Variants in LDHAL6A observed in about 807,000 individuals in gnomAD.
LDHAL6A encodes L-lactate dehydrogenase A-like 6A.
A neutral mutation model predicts 28.2 loss-of-function variants in LDHAL6A; 19 were observed. That is an observed-to-expected ratio of 0.67 (90% CI 0.47 to 0.99). The LOEUF is 0.99. Among genes scored for constraint, LDHAL6A ranks in the 50% least tolerant of loss-of-function variants. The probability of loss-of-function intolerance (pLI) is 0.00; values close to 1 mark genes in which losing one functional copy is unlikely to be tolerated. For synonymous variants in LDHAL6A, 144 were observed against 134.4 expected, an observed-to-expected ratio of 1.07 and a Z score of -0.49; for missense variants, 372 against 398.6, an observed-to-expected ratio of 0.93 and a Z score of 0.57.
rs1343024761 is a variant in LDHAL6A, at chr11:18,471,088, A to T, written c.419-4378A>T. Among the ~76,000 whole-genome samples, 3 of 152,172 alleles carry T rather than the reference A, an allele frequency of 2.0e-5. No homozygotes were observed. In the East Asian group the frequency reaches 5.8e-4, roughly 29 times the overall value. On this transcript the variant is annotated intron_variant, in intron 3 of 6. Transcript: ENST00000280706. ...TTTATTATGCTGATATGAATGTGAAATTTTAAAAATTAAAACAAGCAATTA... is the reference window on the plus strand; with the variant it reads ...TTTATTATGCTGATATGAATGTGAATTTTTAAAAATTAAAACAAGCAATTA...
chr11:18,471,480 G>A (rs1331757113), intron 3 of LDHAL6A, among the ~76,000 whole-genome samples: 2 of 151,804 alleles, frequency 1.3e-5, no homozygotes, highest in Non-Finnish European at 2.9e-5. Context: ...GAAGTGCTGG[G>A]ATTACAGACG....
intron 6 of LDHAL6A, among the ~76,000 whole-genome samples, chr11:18,478,457 G>A (rs1849447055): frequency 6.6e-6 from 1 of 152,162 alleles, no homozygotes; most frequent in Non-Finnish European, 1.5e-5. Context: ...CTACTTGGGA[G>A]GCTGAGGTGG....
rs929550297 is a variant in LDHAL6A, at chr11:18,463,993, T to C, written c.159T>C (p.Val53=). 1.2e-6 allele frequency: 2 copies of C among 1,613,970 alleles called. No individual in the cohort carries two copies. Among genetic ancestry groups the C allele is most frequent in the Non-Finnish European group, 1.7e-6 (2 of 1,179,872 alleles). ...GLSDELVLVD[V]DEGKLKGETM... is the part of the protein sequence containing the mutation. ...GTGATGAACTTGTCCTTGTGGATGT[T>C]GATGAAGGCAAACTGAAGGGTGAGA... Residue 53 remains valine (V), a synonymous_variant, in exon 2 of 7, where the codon GTT becomes GTC. Transcript: ENST00000280706.
At chr11:18,468,986 C>T (rs563094631) in intron 3 of LDHAL6A, 8 of 390,410 alleles carry the variant, frequency 2.0e-5, no homozygotes, top group South Asian at 1.3e-4. Flanking sequence ...AATGGTAGTC[C>T]GGCGCTACAA....
chr11:18,461,842 A>T (rs867163385), intron 1 of LDHAL6A, among the ~76,000 whole-genome samples: 2 of 141,272 alleles, frequency 1.4e-5, no homozygotes, highest in African/African-American at 5.5e-5. Context: ...AACGAGCAAG[A>T]TTCCGTCTCA....
Position 18,478,902 on chromosome 11 carries a change from A to T in LDHAL6A, c.*32A>T, listed in dbSNP as rs780030837. 2 of 1,544,464 alleles carry T rather than the reference A, an allele frequency of 1.3e-6. No individual in the cohort carries two copies. Among genetic ancestry groups the T allele is most frequent in the East Asian group, 2.3e-5 (1 of 44,430 alleles). The stretch of plus-strand genomic sequence containing the variant: ...TTAAAGCTAATTCTGTAGATTGAAG[A>T]TGAAATAGTAGTTATGGAATTGTAT... On this transcript the variant is annotated 3_prime_UTR_variant, in exon 7 of 7. Coordinates refer to ENST00000280706, the MANE Select transcript of LDHAL6A (RefSeq NM_144972.5).
At chr11:18,464,901 T>C (rs777119061) in intron 2 of LDHAL6A, among the ~76,000 whole-genome samples, 8 of 151,982 alleles carry the variant, frequency 5.3e-5, no homozygotes, top group Non-Finnish European at 1.2e-4. Flanking sequence ...TAAATATTCT[T>C]GCCAGAGTAA....
chr11:18,459,378 C>T (rs1262550933), intron 1 of LDHAL6A, among the ~76,000 whole-genome samples: 3 of 152,164 alleles, frequency 2.0e-5, no homozygotes, highest in Non-Finnish European at 2.9e-5. Context: ...GAGACCTACA[C>T]CAGTGGTTTG....
At chr11:18,461,864 A>AT (rs1848917843) in intron 1 of LDHAL6A, among the ~76,000 whole-genome samples, 1 of 151,070 alleles carries the variant, frequency 6.6e-6, no homozygotes, top group Non-Finnish European at 1.5e-5. Context: ...AAAAAAGAAA[A>AT]AAAAAAAAAA....
At position 18,456,568 on chromosome 11, in the gene LDHAL6A, GCC is replaced by G. The variant is rs1848761830; in HGVS notation, c.-111_-110del. 3.3e-6 allele frequency: 3 copies of G among 903,564 alleles called. No individual in the cohort carries two copies. The Admixed American group carries it at 7.3e-5, about 22-fold the overall frequency. The allele number at this position is 903,564 out of a possible 1,614,324, so 56.0% of individuals were successfully genotyped here. ...GTCTGCAGCACCTCCTTCCACACGG[GCC>G]CAGGAGTTCTCTATACGCGCTCTCA... On this transcript the variant is annotated 5_prime_UTR_variant, in exon 1 of 7. It removes the in-frame stop codon of an upstream open reading frame in the 5' UTR. Coordinates refer to ENST00000280706, the MANE Select transcript of LDHAL6A (RefSeq NM_144972.5).
At chr11:18,475,343 T>G in intron 3 of LDHAL6A, 123 bp from the exon 4 acceptor site, 2 of 745,548 alleles carry the variant, frequency 2.7e-6, no homozygotes, top group Non-Finnish European at 2.3e-6. Flanking sequence ...TGGGGTTGGA[T>G]AGAGAACCAT....
chr11:18,460,168 C>G lies in LDHAL6A; in HGVS notation c.126+3362C>G, dbSNP rs74338750. Among the ~76,000 whole-genome samples, 449 of 152,328 alleles carry G rather than the reference C, an allele frequency of 2.9e-3. 2 individuals carry two copies. The highest frequency in any genetic ancestry group is 0.01 in the African/African-American group (434 of 41,570). ...GATCCAGGCTGGATCCAGGCAGTGG[C>G]TCATGCCTGTAATCCTGCACTTTGG... On this transcript the variant is annotated intron_variant, in intron 1 of 6. Coordinates refer to ENST00000280706, the MANE Select transcript of LDHAL6A (RefSeq NM_144972.5).
At position 18,456,679 on chromosome 11, in the gene LDHAL6A, A is replaced by G; in HGVS notation, c.-2A>G. 6.2e-7 allele frequency: 1 copy of G among 1,613,608 alleles called. No individual in the cohort carries two copies. The highest frequency in any genetic ancestry group is 8.5e-7 in the Non-Finnish European group (1 of 1,179,848). ...ATTTGTCTTCACTGTTAGGTTTCCAAGATGGCAACTATCAAGAGTGAACTT... is the reference window on the plus strand; with the variant it reads ...ATTTGTCTTCACTGTTAGGTTTCCAGGATGGCAACTATCAAGAGTGAACTT... On this transcript the variant is annotated 5_prime_UTR_variant, in exon 1 of 7. Transcript: ENST00000280706.
chr11:18,468,812 T>A (rs545522634), intron 3 of LDHAL6A: 2 of 165,920 alleles, frequency 1.2e-5, no homozygotes, highest in Non-Finnish European at 1.3e-5. Flanking sequence ...GTTCATAGAT[T>A]ATCAAAAGTT....
chr11:18,461,901 G>T (rs959461064), intron 1 of LDHAL6A, among the ~76,000 whole-genome samples: 22 of 149,952 alleles, frequency 1.5e-4, no homozygotes, highest in Non-Finnish European at 2.2e-4. Context: ...GCTCACGCTT[G>T]TAACTTTGGT....
rs1849467591 is a variant in LDHAL6A at position 18,478,984 on chromosome 11, G to A, written c.*114G>A. The A allele has an allele frequency of 4.4e-6, 4 of 911,804 alleles. No homozygotes were observed. The highest frequency in any genetic ancestry group is 4.8e-5 in the Admixed American group (2 of 42,004). 56.5% of individuals were successfully genotyped at this position (911,804 alleles called of 1,614,324 possible). A position where few individuals can be genotyped will look rare whatever the true frequency, so the allele number is the denominator to read the frequency against. On this transcript the variant is annotated 3_prime_UTR_variant, in exon 7 of 7. Coordinates refer to ENST00000280706, the MANE Select transcript of LDHAL6A (RefSeq NM_144972.5). ...AAAAGTTGGAAAAATAGAGGAAAGA[G>A]TGACCTATTTAGTATAGCCTTCCAG...
chr11:18,471,093 A>G (rs973387498), intron 3 of LDHAL6A, among the ~76,000 whole-genome samples: 3 of 152,196 alleles, frequency 2.0e-5, no homozygotes, highest in Admixed American at 6.5e-5. Flanking sequence ...GTGAAATTTT[A>G]AAAATTAAAA....
At chr11:18,456,897 G>T in intron 1 of LDHAL6A, 91 bp downstream of exon 1, 3 of 1,371,418 alleles carry the variant, frequency 2.2e-6, no homozygotes, top group Non-Finnish European at 2.9e-6. Flanking sequence ...GTTCAAGGTG[G>T]TGAGTGGGGA....
chr11:18,461,422 C>T (rs1337002221), intron 1 of LDHAL6A, among the ~76,000 whole-genome samples: 4 of 152,078 alleles, frequency 2.6e-5, no homozygotes, highest in Admixed American at 6.5e-5. Flanking sequence ...GGATTATAGG[C>T]GTGAGCCACC....
Sources: gnomAD v4.1 joint callset for allele counts (sites outside exome capture counted in the v4.1 genomes callset) on GRCh38, gnomAD v4.1.1 for gene constraint, MANE v1.5 for transcripts, NCBI Gene and HGNC (gene_info 2026-07-23, HGNC 2026-07-21) for gene names.